RALGDS: variants seen among roughly 807,000 people sequenced by gnomAD.
RALGDS encodes the protein ral guanine nucleotide dissociation stimulator, also known as ral guanine nucleotide exchange factor.
A neutral mutation model predicts 99.8 loss-of-function variants in RALGDS; 44 were observed. The observed-to-expected ratio is 0.44, with a 90% CI of 0.35 to 0.57. The LOEUF (loss-of-function observed/expected upper bound fraction) is 0.57. RALGDS is among the 20% of genes least tolerant of loss of function. The probability of loss-of-function intolerance (pLI) is 0.01; values close to 1 mark genes in which losing one functional copy is unlikely to be tolerated. For missense variants in RALGDS, 1,022 were observed against 1,203.1 expected, an observed-to-expected ratio of 0.85 and a Z score of 2.23; for synonymous variants, 529 against 505.0, an observed-to-expected ratio of 1.05 and a Z score of -0.64.
intron 1 of RALGDS, among the ~76,000 whole-genome samples, chr9:133,128,327 G>A (rs1832228228): frequency 6.6e-6 from 1 of 152,192 alleles, no homozygotes; most frequent in South Asian, 2.1e-4. Flanking sequence ...GGGGCTGCGG[G>A]GGGTGCTGGG....
chr9:133,114,684 C>T (rs1000204269), intron 1 of RALGDS, among the ~76,000 whole-genome samples: 12 of 152,206 alleles, frequency 7.9e-5, no homozygotes, highest in African/African-American at 2.9e-4. Context: ...AACGCTTTCC[C>T]CTGAGGGCAG....
upstream of RALGDS, among the ~76,000 whole-genome samples, chr9:133,131,926 T>C (rs1397367037): frequency 6.6e-6 from 1 of 152,234 alleles, no homozygotes. Flanking sequence ...GCTTGGCGGA[T>C]GTGCAATGAT....
At position 133,149,014 on chromosome 9, in the gene RALGDS, G is replaced by T. The variant is rs1200590751; in HGVS notation, c.-34C>A. On this transcript the variant is annotated 5_prime_UTR_variant, in exon 1 of 18. Transcript: ENST00000393160. ...TCGGTGGCACATCGCCGGCCCCAGG[G>T]CGGGACCCGGGGCTCGCAGAGGCCG... 5.2e-6 allele frequency: 8 copies of T among 1,545,518 alleles called. No homozygotes were observed. In the African/African-American group the frequency reaches 9.8e-5, roughly 19 times the overall value.
At position 133,104,299 on chromosome 9, in the gene RALGDS, C is replaced by A. The variant is rs140862987; in HGVS notation, c.1635G>T (p.Met545Ile). ...EGTSKFATLE[M>I]NPKRAQKRPK... ...GCCGTTTCTGGGCTCTCTTGGGGTT[C>A]ATCTCCAGGGTGGCAAACTTGGAGG... The change falls in exon 10 of 18, where the codon ATG becomes ATT. Residue 545 changes from methionine (M) to isoleucine (I), a missense_variant. Transcript: ENST00000372050. 5.7e-4 allele frequency: 912 copies of A among 1,613,858 alleles called. 10 individuals carry two copies. Among genetic ancestry groups the A allele is most frequent in the Non-Finnish European group, 1.2e-4 (141 of 1,179,912 alleles).
chr9:133,108,171 A>AGCT lies in RALGDS; in HGVS notation c.1011_1013dup (p.Ala338dup), dbSNP rs1831164065. 5 of 1,613,280 alleles carry AGCT rather than the reference A, an allele frequency of 3.1e-6. No homozygotes were observed. The East Asian group carries it at 1.1e-4, about 36-fold the overall frequency. On this transcript the variant is annotated inframe_insertion, in exon 6 of 18. Transcript: ENST00000372050. ...GTGAGGGAGCTGGATCCTGTTCTGG[A>AGCT]GCTGGCTCTAGTTCCAGAGCTGGCG... is the stretch of plus-strand genomic sequence containing the variant.
upstream of RALGDS, among the ~76,000 whole-genome samples, chr9:133,134,445 T>A (rs1832393410): frequency 6.6e-6 from 1 of 152,172 alleles, no homozygotes; most frequent in Non-Finnish European, 1.5e-5. Context: ...GCCAGAAAGA[T>A]GAGGCCACAG....
upstream of RALGDS, chr9:133,131,293 G>T (rs1244658524): frequency 5.6e-6 from 1 of 178,376 alleles, no homozygotes. Flanking sequence ...GGTGGGCTGG[G>T]CTGGGGTGGG....
At chr9:133,100,593 A>G in intron 16 of RALGDS, 1 of 1,436,656 alleles carries the variant, frequency 7.0e-7, no homozygotes, top group Non-Finnish European at 9.1e-7. Flanking sequence ...TGAGGCCTCC[A>G]TGGAATGAGG....
intron 16 of RALGDS, chr9:133,100,985 C>T (rs1830729489): frequency 5.7e-6 from 6 of 1,053,342 alleles, no homozygotes; most frequent in Non-Finnish European, 6.9e-6. Context: ...GTTCATCTGT[C>T]GCAGGACACC....
intron 13 of RALGDS, 58 bp from the exon 14 acceptor site, chr9:133,102,629 G>A (rs923875237): frequency 3.1e-6 from 5 of 1,606,472 alleles, no homozygotes; most frequent in Non-Finnish European, 1.7e-6. Flanking sequence ...CCTTCCCCCA[G>A]CACCTGCCCA....
intron 1 of RALGDS, among the ~76,000 whole-genome samples, chr9:133,148,772 CCCCGGGCGAGT>C (rs1832667640): frequency 6.6e-6 from 1 of 152,230 alleles, no homozygotes; most frequent in South Asian, 2.1e-4. Context: ...ACTTCGTGTG[CCCCGGGCGAGT>C]CCCTGCCCCT....
At chr9:133,118,443 C>A (rs1334559855) in intron 1 of RALGDS, among the ~76,000 whole-genome samples, 1 of 152,230 alleles carries the variant, frequency 6.6e-6, no homozygotes, top group Non-Finnish European at 1.5e-5. Context: ...CCTGGCCCTG[C>A]CACTGACCAG....
At chr9:133,102,179 G>A (rs748943651) in intron 14 of RALGDS, 40 bp from the exon 15 acceptor site, 2 of 1,543,578 alleles carry the variant, frequency 1.3e-6, no homozygotes, top group Non-Finnish European at 1.8e-6. Flanking sequence ...GCTCCCCAAG[G>A]ACACATCCCA....
intron 17 of RALGDS, chr9:133,099,545 T>C (rs2119111069): frequency 6.5e-6 from 1 of 153,216 alleles, no homozygotes; most frequent in Middle Eastern, 3.4e-3. Flanking sequence ...TTAACTTTTA[T>C]GGTGCACATA....
intron 1 of RALGDS, among the ~76,000 whole-genome samples, chr9:133,147,944 C>G (rs941585289): frequency 1.4e-4 from 21 of 152,282 alleles, no homozygotes; most frequent in African/African-American, 4.8e-4. Context: ...ACGGCTCTGG[C>G]CCCACTTCCA....
rs1831032602 is a variant in RALGDS at position 133,105,971 on chromosome 9, A to G, written c.1563T>C (p.Asp521=). The change falls in exon 9 of 18, where the codon GAT becomes GAC. Residue 521 remains aspartate (D), a synonymous_variant. Coordinates refer to ENST00000372050, the MANE Select transcript of RALGDS (RefSeq NM_006266.4). ...CCCGGCTCAATGAGTAGTTGTTCTC[A>G]TCTGAGAAGATCTCTGACAGCTTCT... The part of the protein sequence containing the change: ...IFQKLSEIFS[D]ENNYSLSREL... The G allele has an allele frequency of 6.2e-7, 1 of 1,606,344 alleles. No individual in the cohort carries two copies. The highest frequency in any genetic ancestry group is 1.7e-5 in the Admixed American group (1 of 59,622).
upstream of RALGDS, among the ~76,000 whole-genome samples, chr9:133,133,792 AC>A (rs1489584516): frequency 6.6e-6 from 1 of 152,212 alleles, no homozygotes; most frequent in Non-Finnish European, 1.5e-5. Flanking sequence ...CTGGCCACAC[AC>A]ACAAGCCCAG....
At chr9:133,120,669 G>T (rs754727520) in intron 1 of RALGDS, among the ~76,000 whole-genome samples, 2 of 152,186 alleles carry the variant, frequency 1.3e-5, no homozygotes. Context: ...GGACAGTGCC[G>T]CAGAAAAAGG....
At chr9:133,103,647 T>C in intron 11 of RALGDS, 100 bp downstream of exon 11, 1 of 1,205,132 alleles carries the variant, frequency 8.3e-7, no homozygotes, top group Non-Finnish European at 1.2e-6. Context: ...GGCACTGAGC[T>C]GTTTACTCAT....
Sources: gnomAD v4.1 joint callset for allele counts (sites outside exome capture counted in the v4.1 genomes callset) on GRCh38, gnomAD v4.1.1 for gene constraint, MANE v1.5 for transcripts, NCBI Gene and HGNC (gene_info 2026-07-23, HGNC 2026-07-21) for gene names.